The following MAGI3 variants were observed in gnomAD, a reference collection of about 807,000 sequenced individuals.
MAGI3 encodes the protein membrane associated guanylate kinase, WW and PDZ domain containing 3, also known as membrane-associated guanylate kinase, WW and PDZ domain-containing protein 3.
In MAGI3, 43 loss-of-function variants were observed where a neutral mutation model predicts 121.8. That is an observed-to-expected ratio of 0.35 (90% confidence interval 0.28 to 0.46). The LOEUF (loss-of-function observed/expected upper bound fraction) is 0.46, where lower values mean the gene tolerates loss of function less well. Among genes scored for constraint, MAGI3 ranks in the 20% least tolerant of loss-of-function variants. The pLI, the probability that MAGI3 is intolerant of heterozygous loss-of-function variation, is 1.00. For synonymous variants in MAGI3, 553 were observed against 639.3 expected (o/e 0.86, Z 2.04); for missense variants, 1,547 against 1,797.3 (o/e 0.86, Z 2.52).
At chr1:113,452,772 GA>G (rs1466904129) in intron 1 of MAGI3, among the ~76,000 whole-genome samples, 1 of 152,146 alleles carries the variant, frequency 6.6e-6, no homozygotes, top group African/African-American at 2.4e-5. Context: ...GGCCAAAAAG[GA>G]GATTAAAGTA....
At chr1:113,612,083 A>G (rs547542185) in intron 6 of MAGI3, among the ~76,000 whole-genome samples, 22 of 152,182 alleles carry the variant, frequency 1.4e-4, no homozygotes, top group Non-Finnish European at 2.4e-4. Context: ...AGCTGGGACT[A>G]CAGGCGTGCA....
chr1:113,394,176 AT>A (rs1417716405), intron 1 of MAGI3, among the ~76,000 whole-genome samples: 1 of 151,892 alleles, frequency 6.6e-6, no homozygotes, highest in African/African-American at 2.4e-5. Flanking sequence ...TTTAGCTTTG[AT>A]TTTTTTTCCC....
intron 1 of MAGI3, among the ~76,000 whole-genome samples, chr1:113,492,789 T>G (rs1171072111): frequency 6.6e-6 from 1 of 152,072 alleles, no homozygotes; most frequent in African/African-American, 2.4e-5. Flanking sequence ...TGTAATCCCA[T>G]TCACAATTGC....
chr1:113,513,099 A>C (rs1657700664), intron 1 of MAGI3, among the ~76,000 whole-genome samples: 1 of 152,230 alleles, frequency 6.6e-6, no homozygotes, highest in South Asian at 2.1e-4. Flanking sequence ...AAGGAGAACT[A>C]CAAACCACTG....
chr1:113,637,518 G>A (rs1005378902), intron 9 of MAGI3, among the ~76,000 whole-genome samples: 1 of 152,144 alleles, frequency 6.6e-6, no homozygotes, highest in African/African-American at 2.4e-5. Context: ...TGAAGTTCTG[G>A]GTTGATAATT....
In MAGI3 at chr1:113,659,281, AC is replaced by A; in HGVS notation, c.2815+17del. On this transcript the variant is annotated intron_variant, in intron 16 of 20. Transcript: ENST00000307546. ...GCTGAAGAAGGTAAGGAGCCAGTAGACGCGCCTGCCCCAAGCTGATCTGAGA... is the reference window on the plus strand; with the variant it reads ...GCTGAAGAAGGTAAGGAGCCAGTAGAGCGCCTGCCCCAAGCTGATCTGAGA... 1 of 1,611,740 alleles carries A rather than the reference AC, an allele frequency of 6.2e-7. No homozygotes were observed.
chr1:113,447,638 G>C (rs1174847612), intron 1 of MAGI3, among the ~76,000 whole-genome samples: 2 of 152,180 alleles, frequency 1.3e-5, no homozygotes, highest in African/African-American at 2.4e-5. Context: ...TGGATCACCT[G>C]AGGTCAGGAG....
At chr1:113,582,974 A>G (rs1648130203) in intron 3 of MAGI3, among the ~76,000 whole-genome samples, 1 of 151,708 alleles carries the variant, frequency 6.6e-6, no homozygotes, top group Non-Finnish European at 1.5e-5. Flanking sequence ...GCAAAAATGA[A>G]AAAGCCTTCA....
Position 113,672,628 on chromosome 1 carries a change from G to T in MAGI3, c.2932G>T (p.Gly978Cys). ...TCTCTCTTGTAGAAGTGCCCTAGAA[G>T]GTGAAATTGGAAAAGATGTCTCCAC... is the stretch of plus-strand genomic sequence containing the variant. ...HIPGDRSALE[G>C]EIGKDVSTSY... Residue 978 changes from glycine (G) to cysteine (C), a missense_variant, in exon 18 of 21, where the codon GGT becomes TGT. Physicochemically the swap from Gly to Cys is radical, Grantham distance 159 (BLOSUM62 -3). Transcript: ENST00000307546. The T allele has an allele frequency of 6.2e-7, 1 of 1,613,506 alleles. No individual in the cohort carries two copies. The highest frequency in any genetic ancestry group is 1.1e-5 in the South Asian group (1 of 90,958).
chr1:113,492,473 C>G (rs1656716393), intron 1 of MAGI3, among the ~76,000 whole-genome samples: 1 of 152,168 alleles, frequency 6.6e-6, no homozygotes, highest in African/African-American at 2.4e-5. Context: ...AAAAGATGCC[C>G]TCTCTTGGCA....
chr1:113,490,479 T>A (rs187340160), intron 1 of MAGI3, among the ~76,000 whole-genome samples: 2 of 152,092 alleles, frequency 1.3e-5, no homozygotes, highest in African/African-American at 4.8e-5. Context: ...ACATAACAAG[T>A]CTGAAAAATA....
At chr1:113,530,340 CAACTT>C (rs1169536868) in intron 1 of MAGI3, among the ~76,000 whole-genome samples, 5 of 145,774 alleles carry the variant, frequency 3.4e-5, no homozygotes, top group South Asian at 4.3e-4. Flanking sequence ...AAAAAAAAGA[CAACTT>C]AACGCAGGAA....
intron 16 of MAGI3, among the ~76,000 whole-genome samples, chr1:113,660,842 G>A (rs1041506700): frequency 6.7e-6 from 1 of 149,280 alleles, no homozygotes; most frequent in Non-Finnish European, 1.5e-5. Flanking sequence ...GGGCTCAAGC[G>A]ATCTTCCTGC....
intron 20 of MAGI3, 142 bp downstream of exon 20, chr1:113,681,478 T>C (rs1177870269): frequency 1.2e-6 from 1 of 848,678 alleles, no homozygotes; most frequent in Non-Finnish European, 1.7e-6. Context: ...GCTAGTTACA[T>C]AGCAGAGTTA....
At chr1:113,526,469 G>A (rs566887362) in intron 1 of MAGI3, among the ~76,000 whole-genome samples, 70 of 151,580 alleles carry the variant, frequency 4.6e-4, no homozygotes, top group Middle Eastern at 3.4e-3. Context: ...CTACGTATGA[G>A]AGAGAGAGAA....
At chr1:113,565,262 A>T (rs1303336101) in intron 2 of MAGI3, among the ~76,000 whole-genome samples, 1 of 152,222 alleles carries the variant, frequency 6.6e-6, no homozygotes, top group African/African-American at 2.4e-5. Context: ...ACTGACATTC[A>T]TCAAATTATT....
chr1:113,494,405 T>G (rs2101587183), intron 1 of MAGI3, among the ~76,000 whole-genome samples: 1 of 152,298 alleles, frequency 6.6e-6, no homozygotes, highest in African/African-American at 2.4e-5. Context: ...AACTGTGTAC[T>G]AGGCTTAATA....
At position 113,391,023 on chromosome 1, in the gene MAGI3, C is replaced by G. The variant is rs28376311; in HGVS notation, c.-11C>G. 1 of 1,571,424 alleles carries G rather than the reference C, an allele frequency of 6.4e-7. No homozygotes were observed. The highest frequency in any genetic ancestry group is 8.6e-7 in the Non-Finnish European group (1 of 1,160,404). On this transcript the variant is annotated 5_prime_UTR_variant, in exon 1 of 21. Transcript: ENST00000307546. This position sits in a 1 kb window ranked among gnomAD's most constrained non-coding sequence, Gnocchi z 4.4. ...GCGCGGGGTCTCCCCCATGGTGCAGCGGGGTTCGGGATGTCGAAGACGCTG... is the reference window on the plus strand; with the variant it reads ...GCGCGGGGTCTCCCCCATGGTGCAGGGGGGTTCGGGATGTCGAAGACGCTG...
chr1:113,474,705 A>G (rs1655722108), intron 1 of MAGI3, among the ~76,000 whole-genome samples: 1 of 151,978 alleles, frequency 6.6e-6, no homozygotes, highest in Non-Finnish European at 1.5e-5. Flanking sequence ...TTTGCTTAGG[A>G]TTGTCTTGGT....
Sources: gnomAD v4.1 joint callset for allele counts (sites outside exome capture counted in the v4.1 genomes callset) on GRCh38, gnomAD v4.1.1 for gene constraint, Gnocchi (gnomAD v3.1) non-coding constraint, MANE v1.5 for transcripts, NCBI Gene and HGNC (gene_info 2026-07-23, HGNC 2026-07-21) for gene names.